The following ZCCHC10 variants were observed in gnomAD, a reference collection of about 807,000 sequenced individuals.
ZCCHC10 encodes zinc finger CCHC-type containing 10.
In ZCCHC10, 16 loss-of-function variants were observed where a neutral mutation model predicts 19.5. The observed-to-expected ratio is 0.82, with a 90% confidence interval of 0.56 to 1.25. The LOEUF is 1.25. ZCCHC10 is among the 50% of genes most tolerant of loss of function. The pLI is 0.00. For missense variants in ZCCHC10, 197 were observed against 201.0 expected, an observed-to-expected ratio of 0.98 and a Z score of 0.12; for synonymous variants, 67 against 72.5, an observed-to-expected ratio of 0.92 and a Z score of 0.38.
chr5:132,998,904 T>A (rs1762592186), intron 4 of ZCCHC10, 54 bp from the exon 5 acceptor site: 6 of 1,572,242 alleles, frequency 3.8e-6, no homozygotes, highest in Non-Finnish European at 5.2e-6. Flanking sequence ...AATAGAATGT[T>A]AAAAGCAATT....
intron 3 of ZCCHC10, among the ~76,000 whole-genome samples, chr5:133,004,187 T>A (rs911161001): frequency 6.6e-6 from 1 of 151,918 alleles, no homozygotes; most frequent in African/African-American, 2.4e-5. Flanking sequence ...TCTTTTTTTT[T>A]TTTTGAGATG....
intron 2 of ZCCHC10, among the ~76,000 whole-genome samples, chr5:133,010,210 G>A (rs757189553): frequency 6.6e-5 from 10 of 151,840 alleles, no homozygotes; most frequent in South Asian, 4.2e-4. Flanking sequence ...CACCACGCAC[G>A]GCTAATTTTT....
At chr5:133,001,770 C>A (rs1446100860) in intron 3 of ZCCHC10, among the ~76,000 whole-genome samples, 5 of 151,910 alleles carry the variant, frequency 3.3e-5, no homozygotes, top group African/African-American at 1.2e-4. Flanking sequence ...GTTTTTATAT[C>A]CTGGCCTTCT....
chr5:133,018,102 A>C (rs1764043333), intron 2 of ZCCHC10, among the ~76,000 whole-genome samples: 1 of 149,706 alleles, frequency 6.7e-6, no homozygotes, highest in Non-Finnish European at 1.5e-5. Context: ...CCGAGATCGC[A>C]CCACAGCACT....
chr5:133,001,690 C>T (rs953854884), intron 3 of ZCCHC10, among the ~76,000 whole-genome samples: 13 of 152,040 alleles, frequency 8.6e-5, no homozygotes, highest in African/African-American at 3.1e-4. Flanking sequence ...CTCCTAAGCT[C>T]AAGCAATCTG....
intron 2 of ZCCHC10, among the ~76,000 whole-genome samples, chr5:133,015,051 T>C (rs1360403404): frequency 6.6e-6 from 1 of 151,332 alleles, no homozygotes; most frequent in Non-Finnish European, 1.5e-5. Context: ...GATTAAGGAG[T>C]GCCTACCAGA....
intron 1 of ZCCHC10, among the ~76,000 whole-genome samples, chr5:133,024,115 A>T (rs1406445587): frequency 6.6e-6 from 1 of 152,238 alleles, no homozygotes; most frequent in African/African-American, 2.4e-5. Flanking sequence ...TGTACCAAAT[A>T]CAGACATATT....
intron 3 of ZCCHC10, among the ~76,000 whole-genome samples, chr5:133,003,752 C>T (rs778647159): frequency 3.9e-5 from 6 of 152,104 alleles, no homozygotes; most frequent in Admixed American, 6.6e-5. Context: ...ACTGTATCAC[C>T]CAGGCTGGAG....
In ZCCHC10 at chr5:133,000,249, C is replaced by T. The variant is rs149729272; in HGVS notation, c.270-76G>A. The stretch of plus-strand genomic sequence containing the variant: ...CAGCTCAGACAAGCCCTTCTACTAT[C>T]CCCCAAATCATTTTACTCTGGAGAA... On this transcript the variant is annotated intron_variant, in intron 3 of 4. Transcript: ENST00000509437. The T allele has an allele frequency of 3.1e-5, 47 of 1,508,410 alleles. 1 individual carries two copies. In the South Asian group the frequency reaches 4.7e-4, roughly 15 times the overall value. 93.4% of individuals were successfully genotyped at this position (1,508,410 alleles called of 1,614,324 possible). A position where few individuals can be genotyped will look rare whatever the true frequency, so the allele number is the denominator to read the frequency against.
intron 1 of ZCCHC10, among the ~76,000 whole-genome samples, chr5:133,024,444 C>A (rs913857605): frequency 2.0e-5 from 3 of 152,174 alleles, no homozygotes; most frequent in African/African-American, 7.2e-5. Flanking sequence ...ATAGATAGGA[C>A]CCTGGATACT....
At position 133,013,975 on chromosome 5, in the gene ZCCHC10, T is replaced by C. The variant is rs1022154894; in HGVS notation, c.108-7055A>G. Among the ~76,000 whole-genome samples, 3 of 152,116 alleles carry C rather than the reference T, an allele frequency of 2.0e-5. No individual in the cohort carries two copies. The East Asian group carries it at 5.8e-4, about 29-fold the overall frequency. On this transcript the variant is annotated intron_variant, in intron 2 of 4. Transcript: ENST00000509437. ...CTTTTAAAAATTTTCAGTCACAACC[T>C]TACAGAAAAGTTCTAACTCTGTTTC...
In ZCCHC10 at chr5:133,006,748, T is replaced by G. The variant is rs371529227; in HGVS notation, c.269+11A>C. ...AAAAAATATTCCTTTGGATACCACA[T>G]GTAAACCTACCTTTGTTGCAATAAT... On this transcript the variant is annotated intron_variant, in intron 3 of 4. Transcript: ENST00000509437. The G allele has an allele frequency of 1.9e-6, 3 of 1,597,040 alleles. No individual in the cohort carries two copies. The highest frequency in any genetic ancestry group is 2.6e-6 in the Non-Finnish European group (3 of 1,174,880).
Position 133,006,936 on chromosome 5 carries a change from C to T in ZCCHC10, c.108-16G>A, listed in dbSNP as rs2126576450. On this transcript the variant is annotated splice_polypyrimidine_tract_variant and intron_variant, in intron 2 of 4. Transcript: ENST00000509437. ...ATTTGCTTCACTACAGAACAAAAAA[C>T]AGAATACAAGCCTTAAAATTCTGTC... 1 of 1,581,614 alleles carries T rather than the reference C, an allele frequency of 6.3e-7. No individual in the cohort carries two copies. The highest frequency in any genetic ancestry group is 8.6e-7 in the Non-Finnish European group (1 of 1,167,504).
chr5:133,016,455 T>A (rs1345254838), intron 2 of ZCCHC10, among the ~76,000 whole-genome samples: 1 of 152,178 alleles, frequency 6.6e-6, no homozygotes, highest in African/African-American at 2.4e-5. Context: ...CTTTTTTTTT[T>A]ATTCTGAGAC....
At chr5:133,004,302 G>A (rs1316462401) in intron 3 of ZCCHC10, among the ~76,000 whole-genome samples, 2 of 151,082 alleles carry the variant, frequency 1.3e-5, no homozygotes, top group Admixed American at 6.6e-5. Context: ...AGCCTCCCAA[G>A]CAGCTGGGAT....
At chr5:133,022,077 T>C (rs898956117) in intron 2 of ZCCHC10, among the ~76,000 whole-genome samples, 9 of 152,204 alleles carry the variant, frequency 5.9e-5, no homozygotes, top group African/African-American at 2.2e-4. Flanking sequence ...ATTACAGGCA[T>C]GAGCCACCGC....
At chr5:133,001,641 G>A (rs1434840138) in intron 3 of ZCCHC10, among the ~76,000 whole-genome samples, 1 of 151,882 alleles carries the variant, frequency 6.6e-6, no homozygotes, top group Non-Finnish European at 1.5e-5. Flanking sequence ...ATTTTTTGTA[G>A]AGACGGGGTT....
At chr5:133,018,672 T>C (rs1433687636) in intron 2 of ZCCHC10, among the ~76,000 whole-genome samples, 1 of 152,194 alleles carries the variant, frequency 6.6e-6, no homozygotes, top group Non-Finnish European at 1.5e-5. Context: ...CCTCCCAAAG[T>C]GCTGGGATTA....
In ZCCHC10 at chr5:133,023,461, C is replaced by CTTT. The variant is rs34960372; in HGVS notation, c.42-558_42-556dup. Among the ~76,000 whole-genome samples the CTTT allele has an allele frequency of 2.8e-3, 376 of 135,522 alleles. 2 individuals carry two copies. The highest frequency in any genetic ancestry group is 0.01 in the African/African-American group (363 of 36,174). 88.9% of individuals were successfully genotyped at this position (135,522 alleles called of 152,430 possible). Reference sequence around the variant, plus strand: ...CGTCTTCTTCTATTAGTCCAAAGACCTTTTTTTTTTTTTTTTTTTAAAGAA... The same window carrying CTTT: ...CGTCTTCTTCTATTAGTCCAAAGACCTTTTTTTTTTTTTTTTTTTTTTAAAGAA... On this transcript the variant is annotated intron_variant, in intron 1 of 4. Transcript: ENST00000509437.
Sources: gnomAD v4.1 joint callset for allele counts (sites outside exome capture counted in the v4.1 genomes callset) on GRCh38, gnomAD v4.1.1 for gene constraint, MANE v1.5 for transcripts, NCBI Gene and HGNC (gene_info 2026-07-23, HGNC 2026-07-21) for gene names.